PLEKHH1: variants seen among roughly 807,000 people sequenced by gnomAD.
PLEKHH1 encodes the protein pleckstrin homology domain-containing family H member 1.
Under a neutral mutation model 160.0 loss-of-function variants are expected in PLEKHH1, and 104 were observed. The ratio of observed to expected loss-of-function variants is 0.65; its 90% CI spans 0.55 to 0.76. The LOEUF (loss-of-function observed/expected upper bound fraction) is 0.76. PLEKHH1 is among the 30% of genes least tolerant of loss of function. The pLI is 0.00. For synonymous variants in PLEKHH1, 619 were observed against 678.4 expected, an observed-to-expected ratio of 0.91 and a Z score of 1.36; for missense variants, 1,427 against 1,724.1, an observed-to-expected ratio of 0.83 and a Z score of 3.05.
At chr14:67,581,967 A>G (rs2035921844) in intron 23 of PLEKHH1, 102 bp from the exon 24 acceptor site, 1 of 1,155,204 alleles carries the variant, frequency 8.7e-7, no homozygotes, top group South Asian at 1.5e-5. Context: ...GTGGGAAAAG[A>G]GTACTTTATC....
Position 67,555,825 on chromosome 14 carries a change from A to C in PLEKHH1, c.127A>C (p.Met43Leu). 6.2e-7 allele frequency: 1 copy of C among 1,613,386 alleles called. No individual in the cohort carries two copies. ...SKIRELLADK[M>L]QELEQRLLEA... ...CTCCCCTTTCTCTCTGGCCAAGCAG[A>C]TGCAGGAGCTGGAGCAGAGGCTGCT... The change falls in exon 3 of 29, where the codon ATG (methionine) becomes CTG (leucine). Residue 43 changes from methionine (M) to leucine (L), a missense_variant and splice_region_variant. Met to Leu is a conservative substitution (Grantham distance 15). Around this residue, in one of 6 missense-constraint regions of PLEKHH1, gnomAD observed 831 missense variants for 929.2 expected, o/e 0.89. Coordinates refer to ENST00000329153, the MANE Select transcript of PLEKHH1 (RefSeq NM_020715.3).
Position 67,562,810 on chromosome 14 carries a change from C to T in PLEKHH1, c.1179C>T (p.Ser393=). 6.2e-7 allele frequency: 1 copy of T among 1,613,738 alleles called. No individual in the cohort carries two copies. The highest frequency in any genetic ancestry group is 2.2e-5 in the East Asian group (1 of 44,878). The change falls in exon 7 of 29, where the codon AGC becomes AGT. Residue 393 remains serine (S), a synonymous_variant. Coordinates refer to ENST00000329153, the MANE Select transcript of PLEKHH1 (RefSeq NM_020715.3). The stretch of plus-strand genomic sequence containing the variant: ...CAGGGAAGAATGAGGAAAGAGAGAG[C>T]CCAAAGGCCCTTGGAGCTGAGCTGG... ...PPAGKNEERE[S]PKALGAELEE...
intron 2 of PLEKHH1, among the ~76,000 whole-genome samples, chr14:67,551,117 T>C (rs2140365541): frequency 1.3e-5 from 2 of 152,362 alleles, no homozygotes; most frequent in Admixed American, 1.3e-4. Context: ...GTGAGTCTTA[T>C]AGGACACTCT....
At chr14:67,577,790 T>A (rs1351276942) in intron 18 of PLEKHH1, among the ~76,000 whole-genome samples, 1 of 152,210 alleles carries the variant, frequency 6.6e-6, no homozygotes, top group Non-Finnish European at 1.5e-5. Flanking sequence ...AAGGAATTTG[T>A]CTTGTTTATG....
intron 18 of PLEKHH1, 85 bp from the exon 19 acceptor site, chr14:67,577,938 G>A: frequency 9.5e-6 from 12 of 1,264,372 alleles, no homozygotes; most frequent in Non-Finnish European, 1.3e-5. Flanking sequence ...AACCTCCCTG[G>A]AGCCCTTGGA....
intron 28 of PLEKHH1, chr14:67,586,362 C>T: frequency 1.4e-6 from 2 of 1,415,712 alleles, no homozygotes; most frequent in African/African-American, 2.8e-5. Flanking sequence ...TTTTTATTCT[C>T]TCAAGCCCCA....
At position 67,586,088 on chromosome 14, in the gene PLEKHH1, T is replaced by A. The variant is rs1255500950; in HGVS notation, c.3924T>A (p.Ala1308=). The A allele has an allele frequency of 6.2e-7, 1 of 1,613,956 alleles. No individual in the cohort carries two copies. The highest frequency in any genetic ancestry group is 1.7e-5 in the Admixed American group (1 of 60,024). ...TTGAGAAGTTGATCTTCCGGATGGC[T>A]GCTCCCAAGGTAGGTCTGACAGCTG... ...SHIEKLIFRM[A]APKIAEATFI... The change falls in exon 28 of 29, where the codon GCT becomes GCA. Residue 1308 remains alanine, a synonymous_variant. Coordinates refer to ENST00000329153, the MANE Select transcript of PLEKHH1 (RefSeq NM_020715.3).
chr14:67,561,431 G>T (rs1318985725), intron 5 of PLEKHH1, among the ~76,000 whole-genome samples: 1 of 152,172 alleles, frequency 6.6e-6, no homozygotes, highest in Non-Finnish European at 1.5e-5. Flanking sequence ...TGCACCTGTA[G>T]TCCCAGCTAC....
At chr14:67,553,776 A>T (rs1177130931) in intron 2 of PLEKHH1, among the ~76,000 whole-genome samples, 1 of 152,080 alleles carries the variant, frequency 6.6e-6, no homozygotes, top group East Asian at 1.9e-4. Context: ...AGGTCAAGGA[A>T]CTCCTCTGGG....
At chr14:67,565,517 C>G (rs929445179) in intron 7 of PLEKHH1, among the ~76,000 whole-genome samples, 7 of 152,040 alleles carry the variant, frequency 4.6e-5, no homozygotes, top group Non-Finnish European at 5.9e-5. Context: ...GCCACCTTAC[C>G]CGGTCTGAGA....
intron 24 of PLEKHH1, among the ~76,000 whole-genome samples, 170 bp from the exon 25 acceptor site, chr14:67,583,571 C>G (rs745985992): frequency 6.6e-6 from 1 of 152,204 alleles, no homozygotes; most frequent in African/African-American, 2.4e-5. Context: ...GTTTGTTTCT[C>G]TAGTGTCTAT....
chr14:67,574,563 C>T lies in PLEKHH1; in HGVS notation c.2088+160C>T, dbSNP rs1193476187. ...TGGCCAGCCCTCAAACGTGGTCTGG[C>T]CACACAAGGTGATGGCGAGTGATTC... is the stretch of plus-strand genomic sequence containing the variant. On this transcript the variant is annotated intron_variant, in intron 14 of 28. Coordinates refer to ENST00000329153, the MANE Select transcript of PLEKHH1 (RefSeq NM_020715.3). This position sits in a 1 kb window ranked among gnomAD's most constrained non-coding sequence, Gnocchi z 4.2. Among the ~76,000 whole-genome samples the T allele has an allele frequency of 6.6e-6, 1 of 152,230 alleles. No homozygotes were observed. Among genetic ancestry groups the T allele is most frequent in the African/African-American group, 2.4e-5 (1 of 41,460 alleles).
At chr14:67,569,610 TG>T in intron 8 of PLEKHH1, 1 of 466,200 alleles carries the variant, frequency 2.1e-6, no homozygotes, top group Non-Finnish European at 3.9e-6. Flanking sequence ...ACGAGGGCTG[TG>T]GGGTGGTCCC....
At position 67,542,013 on chromosome 14, in the gene PLEKHH1, G is replaced by GAGCT; in HGVS notation, c.126+21_126+24dup. 3.2e-6 allele frequency: 5 copies of GAGCT among 1,581,186 alleles called. No homozygotes were observed. Among genetic ancestry groups the GAGCT allele is most frequent in the Non-Finnish European group, 4.3e-6 (5 of 1,164,202 alleles). On this transcript the variant is annotated intron_variant, in intron 2 of 28. Coordinates refer to ENST00000329153, the MANE Select transcript of PLEKHH1 (RefSeq NM_020715.3). ...GACAAGGTGAGTCCCTCAGAGCAGG[G>GAGCT]AGCTGCCTCTCCACACGCAGAGGTT...
Position 67,574,284 on chromosome 14 carries a change from C to T in PLEKHH1, c.1969C>T (p.Pro657Ser). ...KKTYYLTADS[P>S]SLLEEWIRVL... is the part of the protein sequence containing the mutation. ...AACCTACTACCTGACGGCCGATTCA[C>T]CCAGCCTGCTGGAGGAGTGGATCCG... The change falls in exon 14 of 29, where the codon CCC (proline) becomes TCC (serine). Residue 657 changes from proline (P) to serine (S), a missense_variant. Coordinates refer to ENST00000329153, the MANE Select transcript of PLEKHH1 (RefSeq NM_020715.3). The surrounding 1 kb of genome is among the most constrained non-coding windows in gnomAD (Gnocchi z 4.2). The T allele has an allele frequency of 1.9e-6, 3 of 1,608,792 alleles. No individual in the cohort carries two copies. The highest frequency in any genetic ancestry group is 2.2e-5 in the East Asian group (1 of 44,732).
At chr14:67,537,192 A>G (rs1422602091) in intron 1 of PLEKHH1, among the ~76,000 whole-genome samples, 1 of 139,670 alleles carries the variant, frequency 7.2e-6, no homozygotes, top group African/African-American at 2.8e-5. Flanking sequence ...AAAAAATACA[A>G]AAATTAGCCA....
chr14:67,578,184 G>A lies in PLEKHH1; in HGVS notation c.2736G>A (p.Lys912=), dbSNP rs2035716219. Residue 912 remains lysine, a synonymous_variant, in exon 19 of 29, where the codon AAG becomes AAA. Transcript: ENST00000329153. This position sits in a 1 kb window ranked among gnomAD's most constrained non-coding sequence, Gnocchi z 5.0. ...AGACCAGCTGCCGCCCACCTCAGAA[G>A]TACTCCCTCATGCAGGTAGGCATGC... is the stretch of plus-strand genomic sequence containing the variant. ...MKQTSCRPPQ[K]YSLMQCWQLL... 6.2e-7 allele frequency: 1 copy of A among 1,613,722 alleles called. No homozygotes were observed. Among genetic ancestry groups the A allele is most frequent in the Non-Finnish European group, 8.5e-7 (1 of 1,179,828 alleles).
At chr14:67,581,104 T>C in intron 23 of PLEKHH1, 66 bp downstream of exon 23, 1 of 976,428 alleles carries the variant, frequency 1.0e-6, no homozygotes, top group Non-Finnish European at 1.7e-6. Flanking sequence ...GCTCATCGCC[T>C]CCTCGACTAG....
At chr14:67,584,721 G>A (rs1297781161) in intron 26 of PLEKHH1, among the ~76,000 whole-genome samples, 1 of 152,182 alleles carries the variant, frequency 6.6e-6, no homozygotes, top group Non-Finnish European at 1.5e-5. Context: ...GGTTGTTTGA[G>A]GTTATAAGAA....
Sources: allele counts gnomAD v4.1 joint callset (sites outside exome capture counted in the v4.1 genomes callset), GRCh38; gene constraint gnomAD v4.1.1; regional missense constraint gnomAD v4.1.1; non-coding constraint Gnocchi (gnomAD v3.1); transcripts MANE v1.5; gene names NCBI Gene and HGNC (gene_info 2026-07-23, HGNC 2026-07-21).